The following PDE4C variants were observed in gnomAD, a reference collection of about 807,000 sequenced individuals.
PDE4C encodes phosphodiesterase 4C, also known as 3',5'-cyclic-AMP phosphodiesterase 4C.
Under a neutral mutation model 63.9 loss-of-function variants are expected in PDE4C, and 50 were observed. The ratio of observed to expected loss-of-function variants is 0.78; its 90% CI spans 0.62 to 0.99. The LOEUF (loss-of-function observed/expected upper bound fraction) is 0.99, where lower values mean the gene tolerates loss of function less well. Ranked by LOEUF, PDE4C falls within the 50% of genes least tolerant of loss-of-function variation. The pLI is 0.00. For missense variants in PDE4C, 777 were observed against 899.1 expected, an observed-to-expected ratio of 0.86 and a Z score of 1.74; for synonymous variants, 377 against 385.1, an observed-to-expected ratio of 0.98 and a Z score of 0.25.
rs772285590 is a variant in PDE4C at position 18,220,564 on chromosome 19, C to A, written c.500-49G>T. The A allele has an allele frequency of 2.9e-5, 44 of 1,495,578 alleles. No homozygotes were observed. Among genetic ancestry groups the A allele is most frequent in the Non-Finnish European group, 3.7e-5 (40 of 1,082,144 alleles). The allele number at this position is 1,495,578 out of a possible 1,614,324, so 92.6% of individuals were successfully genotyped here. A position where few individuals can be genotyped will look rare whatever the true frequency, so the allele number is the denominator to read the frequency against. ...CCTGCCCAACCCCCCCGCTCAGGGA[C>A]CCCACGCCTCTCGCGACTTCGTCTC... On this transcript the variant is annotated intron_variant, in intron 5 of 14. Transcript: ENST00000262805. This position sits in a 1 kb window ranked among gnomAD's most constrained non-coding sequence, Gnocchi z 5.1.
chr19:18,221,335 A>G (rs1266773572), intron 2 of PDE4C, 38 bp from the exon 3 acceptor site: 1 of 1,530,938 alleles, frequency 6.5e-7, no homozygotes, highest in Non-Finnish European at 8.8e-7. Context: ...GCTCTCTCCC[A>G]TCTTCCAGCT....
At chr19:18,235,139 T>C (rs1309492306), upstream of PDE4C, among the ~76,000 whole-genome samples, 1 of 152,194 alleles carries the variant, frequency 6.6e-6, no homozygotes, top group Non-Finnish European at 1.5e-5. Flanking sequence ...TCTCCCCAGC[T>C]CCTGCTAGCA....
At chr19:18,224,108 C>G in intron 1 of PDE4C, 1 of 717,908 alleles carries the variant, frequency 1.4e-6, no homozygotes, top group Non-Finnish European at 1.7e-6. Context: ...CCACCCTCCT[C>G]CCTCTCCACA....
At chr19:18,233,469 C>T in exon 1 of PDE4C, 1 of 675,060 alleles carries the variant, frequency 1.5e-6, no homozygotes, top group East Asian at 2.8e-5. Context: ...AGAGACCCCC[C>T]CCCAACACAC....
chr19:18,233,320 C>CGGAG, exon 1 of PDE4C: 1 of 1,314,892 alleles, frequency 7.6e-7, no homozygotes, highest in Non-Finnish European at 1.1e-6. Flanking sequence ...CTGTCCGCGC[C>CGGAG]GGAGGTGCTG....
intron 1 of PDE4C, among the ~76,000 whole-genome samples, chr19:18,246,674 T>C (rs1969140666): frequency 1.3e-5 from 2 of 152,014 alleles, no homozygotes; most frequent in African/African-American, 4.8e-5. Flanking sequence ...ATGCCTGTAA[T>C]CCCAGCACTT....
the PDE4C span, among the ~76,000 whole-genome samples, chr19:18,253,920 C>T: frequency 6.6e-6 from 1 of 152,208 alleles, no homozygotes; most frequent in East Asian, 1.9e-4. Context: ...ACTCTCTGCT[C>T]CACCCATGCA....
upstream of PDE4C, chr19:18,234,265 C>T (rs960872433): frequency 4.6e-5 from 7 of 152,290 alleles, no homozygotes; most frequent in African/African-American, 1.7e-4. Context: ...CTGAGACTCT[C>T]GTGCTTTTAA....
chr19:18,221,268 A>G (rs749300533), exon 3 of PDE4C: 1 of 1,545,508 alleles, frequency 6.5e-7, no homozygotes, highest in Non-Finnish European at 8.7e-7. Flanking sequence ...CACCTGGGCA[A>G]AGGGCGTCAC....
chr19:18,221,421 C>G (rs1042403292), intron 2 of PDE4C, 124 bp from the exon 3 acceptor site: 2 of 939,608 alleles, frequency 2.1e-6, no homozygotes, highest in Admixed American at 6.3e-5. Flanking sequence ...TTCTTAGTCC[C>G]TGGGGTCCCC....
At chr19:18,244,301 G>GTT (rs945257643) in intron 1 of PDE4C, among the ~76,000 whole-genome samples, 9 of 139,202 alleles carry the variant, frequency 6.5e-5, no homozygotes, top group African/African-American at 2.1e-4. Flanking sequence ...GTTTTGTTTT[G>GTT]TTTTTTTTTT....
intron 1 of PDE4C, among the ~76,000 whole-genome samples, chr19:18,245,251 C>T (rs1269939044): frequency 2.0e-5 from 3 of 151,998 alleles, no homozygotes; most frequent in Non-Finnish European, 4.4e-5. Context: ...GCAACCTCCA[C>T]CTCCTGGGTT....
chr19:18,251,549 C>T (rs1419411079), upstream of PDE4C, among the ~76,000 whole-genome samples: 2 of 152,046 alleles, frequency 1.3e-5, no homozygotes, highest in Non-Finnish European at 2.9e-5. Flanking sequence ...ATTCTCCTGC[C>T]TCAGCCTCCC....
intron 12 of PDE4C, among the ~76,000 whole-genome samples, chr19:18,214,677 C>T (rs966459910): frequency 2.1e-4 from 32 of 151,906 alleles, no homozygotes; most frequent in Non-Finnish European, 3.4e-4. Context: ...AGCCGGGCGC[C>T]GTGGCTCACA....
Position 18,219,221 on chromosome 19 carries a change from G to T in PDE4C, c.870+13C>A. On this transcript the variant is annotated intron_variant, in intron 8 of 14. Coordinates refer to ENST00000262805, the Ensembl canonical transcript of PDE4C. ...ACCAAACCTTGATCTTGGCATTGTGGTTGGGGACCCACCTTGGCCAGTTGC... is the reference window on the plus strand; with the variant it reads ...ACCAAACCTTGATCTTGGCATTGTGTTTGGGGACCCACCTTGGCCAGTTGC... The T allele has an allele frequency of 6.2e-7, 1 of 1,614,114 alleles. No homozygotes were observed. The highest frequency in any genetic ancestry group is 8.5e-7 in the Non-Finnish European group (1 of 1,180,034).
At chr19:18,216,759 G>T in exon 12 of PDE4C, 1 of 1,612,612 alleles carries the variant, frequency 6.2e-7, no homozygotes, top group Non-Finnish European at 8.5e-7. Context: ...TGACCATCCT[G>T]CGCAGACTCA....
At chr19:18,228,681 G>A (rs1057341539), upstream of PDE4C, among the ~76,000 whole-genome samples, 5 of 152,326 alleles carry the variant, frequency 3.3e-5, no homozygotes, top group African/African-American at 1.2e-4. Context: ...ACAGGAAGGT[G>A]TTAATTAATA....
At chr19:18,218,224 G>A in exon 11 of PDE4C, 1 of 1,614,250 alleles carries the variant, frequency 6.2e-7, no homozygotes, top group Non-Finnish European at 8.5e-7. Flanking sequence ...AGGGCAGCCA[G>A]GATTTCCAAG....
chr19:18,226,376 CGGGCCCG>C lies in PDE4C; in HGVS notation c.33_39del (p.Gly12AlafsTer19). 6 of 1,482,244 alleles carry C rather than the reference CGGGCCCG, an allele frequency of 4.0e-6. No individual in the cohort carries two copies. The highest frequency in any genetic ancestry group is 5.4e-6 in the Non-Finnish European group (6 of 1,117,712). 91.8% of individuals were successfully genotyped at this position (1,482,244 alleles called of 1,614,324 possible). A position where few individuals can be genotyped will look rare whatever the true frequency, so the allele number is the denominator to read the frequency against. ...CCGCGCGGGGATCCCCGAGGGGAGC[CGGGCCCG>C]GGGACCGGGGCGGGCGCGGGGGGGC... is the stretch of plus-strand genomic sequence containing the variant. On this transcript the variant is annotated frameshift_variant, in exon 1 of 15. Transcript: ENST00000262805. LOFTEE classifies it high-confidence loss of function.
Sources: allele counts gnomAD v4.1 joint callset (sites outside exome capture counted in the v4.1 genomes callset), GRCh38; gene constraint gnomAD v4.1.1; non-coding constraint Gnocchi (gnomAD v3.1); transcripts MANE v1.5; gene names NCBI Gene and HGNC (gene_info 2026-07-23, HGNC 2026-07-21).